The following RBM6 variants were observed in gnomAD, a reference collection of about 807,000 sequenced individuals.
The protein encoded by RBM6 is RNA-binding protein 6.
In RBM6, 23 loss-of-function variants were observed where a neutral mutation model predicts 140.4. The ratio of observed to expected loss-of-function variants is 0.16; its 90% CI spans 0.12 to 0.23. The LOEUF (loss-of-function observed/expected upper bound fraction) is 0.23. Ranked by LOEUF, RBM6 falls within the 10% of genes least tolerant of loss-of-function variation. The pLI is 1.00. For missense variants in RBM6, 1,139 were observed against 1,386.7 expected, an observed-to-expected ratio of 0.82 and a Z score of 2.84; for synonymous variants, 439 against 475.6, an observed-to-expected ratio of 0.92 and a Z score of 1.00.
At chr3:49,986,754 TTCCCCTCCCC>T (rs967547352) in intron 5 of RBM6, among the ~76,000 whole-genome samples, 9 of 147,070 alleles carry the variant, frequency 6.1e-5, no homozygotes, top group African/African-American at 1.5e-4. Context: ...CTTCCCTCCC[TTCCCCTCCCC>T]TCCCCTCCCC....
chr3:49,978,833 G>A (rs1198599088), intron 5 of RBM6, among the ~76,000 whole-genome samples: 1 of 152,090 alleles, frequency 6.6e-6, no homozygotes, highest in Non-Finnish European at 1.5e-5. Context: ...TATATGTTGT[G>A]TATATTTGAA....
chr3:49,960,952 T>C (rs971385115), intron 1 of RBM6, among the ~76,000 whole-genome samples: 1 of 149,780 alleles, frequency 6.7e-6, no homozygotes, highest in Non-Finnish European at 1.5e-5. Context: ...CTCTGTTTCC[T>C]GAACTGGAAT....
At chr3:49,956,308 A>G (rs939943469) in intron 1 of RBM6, among the ~76,000 whole-genome samples, 1 of 142,504 alleles carries the variant, frequency 7.0e-6, no homozygotes, top group Admixed American at 7.1e-5. Flanking sequence ...GGCATTAGCC[A>G]CTTTCTGCCC....
chr3:50,075,186 CT>C lies in RBM6; in HGVS notation c.3117-14del. ...AAAAAAAAAAAGGAAGTGATGGTGT[CT>C]GCTTCTTTTGCAGTGATCGTAAACT... On this transcript the variant is annotated splice_polypyrimidine_tract_variant and intron_variant, in intron 19 of 20. Transcript: ENST00000266022. 3 of 1,601,530 alleles carry C rather than the reference CT, an allele frequency of 1.9e-6. No individual in the cohort carries two copies. The Admixed American group carries it at 5.2e-5, about 28-fold the overall frequency.
intron 16 of RBM6, chr3:50,065,697 C>T: frequency 1.1e-5 from 5 of 453,826 alleles, no homozygotes; most frequent in Non-Finnish European, 2.2e-5. Flanking sequence ...AATGATTATG[C>T]ATCATTATTT....
intron 5 of RBM6, among the ~76,000 whole-genome samples, chr3:49,976,447 A>T (rs938975207): frequency 6.6e-6 from 1 of 152,232 alleles, no homozygotes; most frequent in Admixed American, 6.5e-5. Flanking sequence ...TATTTGTTTT[A>T]AAAACATCAA....
chr3:49,960,911 T>C (rs1475953614), intron 1 of RBM6, among the ~76,000 whole-genome samples: 1 of 134,016 alleles, frequency 7.5e-6, no homozygotes, highest in Non-Finnish European at 1.6e-5. Context: ...CCAGAGTACC[T>C]TTTTTTTTTT....
intron 6 of RBM6, among the ~76,000 whole-genome samples, chr3:50,021,454 A>C (rs1384997358): frequency 1.3e-5 from 2 of 152,286 alleles, no homozygotes; most frequent in African/African-American, 4.8e-5. Flanking sequence ...AGCCTAGCCA[A>C]CATGTTGAAA....
intron 6 of RBM6, among the ~76,000 whole-genome samples, chr3:50,003,313 A>T (rs1347964936): frequency 6.8e-6 from 1 of 148,106 alleles, no homozygotes; most frequent in Non-Finnish European, 1.5e-5. Flanking sequence ...AAATTTAAAA[A>T]AAAAAAAAAA....
chr3:49,949,288 C>T lies in RBM6; in HGVS notation c.-67+9063C>T, dbSNP rs149466829. On this transcript the variant is annotated intron_variant, in intron 1 of 20. Transcript: ENST00000266022. ...GTTGATTCTTCTTTTTACTTACCTC[C>T]CCCTACTTACCCCCTCTTACTTTAT... Among the ~76,000 whole-genome samples, 7 of 150,520 alleles carry T rather than the reference C, an allele frequency of 4.7e-5. No individual in the cohort carries two copies. In the East Asian group the frequency reaches 1.2e-3, roughly 25 times the overall value.
At position 50,006,378 on chromosome 3, in the gene RBM6, C is replaced by T. The variant is rs1246161047; in HGVS notation, c.1557+6865C>T. ...CTTGAACTCCTCACCTCAGGTGATC[C>T]GCCCGCCTCGGCCTCCCAGAGTGCT... On this transcript the variant is annotated intron_variant, in intron 6 of 20. Coordinates refer to ENST00000266022, the MANE Select transcript of RBM6 (RefSeq NM_005777.3). Among the ~76,000 whole-genome samples, 6 of 151,982 alleles carry T rather than the reference C, an allele frequency of 3.9e-5. No homozygotes were observed. In the South Asian group the frequency reaches 6.2e-4, roughly 16 times the overall value.
At chr3:49,961,284 C>T (rs2084270731) in intron 1 of RBM6, among the ~76,000 whole-genome samples, 1 of 151,900 alleles carries the variant, frequency 6.6e-6, no homozygotes, top group Non-Finnish European at 1.5e-5. Flanking sequence ...CACCATGTTG[C>T]CTAGGCTGGT....
intron 1 of RBM6, among the ~76,000 whole-genome samples, chr3:49,960,083 A>C (rs1270263998): frequency 6.6e-6 from 1 of 152,150 alleles, no homozygotes; most frequent in Non-Finnish European, 1.5e-5. Flanking sequence ...TCTCTGCCTG[A>C]GTTTTGTATT....
At chr3:50,071,499 CCTGAGTGAAGGTG>C (rs1260908128) in intron 19 of RBM6, among the ~76,000 whole-genome samples, 2 of 147,682 alleles carry the variant, frequency 1.4e-5, no homozygotes, top group African/African-American at 2.5e-5. Flanking sequence ...ATCATGATTG[CCTGAGTGAAGGTG>C]ATGAGTCTAG....
chr3:50,058,738 C>G (rs539236566), intron 10 of RBM6, 176 bp downstream of exon 10: 174 of 515,436 alleles, frequency 3.4e-4, no homozygotes, highest in African/African-American at 3.2e-3. Context: ...CACGGTGAAA[C>G]CCTGTCTCTA....
intron 1 of RBM6, among the ~76,000 whole-genome samples, chr3:49,959,727 C>T (rs893531004): frequency 8.6e-5 from 13 of 151,474 alleles, no homozygotes; most frequent in Admixed American, 2.0e-4. Context: ...CCCGCCACTA[C>T]GCCTGGCTAA....
chr3:50,031,599 A>G (rs112313157), intron 6 of RBM6, among the ~76,000 whole-genome samples: 24,210 of 150,638 alleles, frequency 0.16, 2,613 homozygotes, highest in Non-Finnish European at 0.24. Context: ...GGGAGGGGGG[A>G]GTGATAGCAT....
intron 6 of RBM6, among the ~76,000 whole-genome samples, chr3:50,037,506 C>T (rs2088614284): frequency 6.6e-6 from 1 of 152,110 alleles, no homozygotes; most frequent in Non-Finnish European, 1.5e-5. Context: ...TTTCAAGGCA[C>T]TATTTCTGCA....
At chr3:50,050,607 T>G (rs990235068) in intron 7 of RBM6, among the ~76,000 whole-genome samples, 1 of 152,194 alleles carries the variant, frequency 6.6e-6, no homozygotes, top group Non-Finnish European at 1.5e-5. Context: ...TTTAACTCTT[T>G]GAGGAACCAT....
Sources: gnomAD v4.1 joint callset for allele counts (sites outside exome capture counted in the v4.1 genomes callset) on GRCh38, gnomAD v4.1.1 for gene constraint, MANE v1.5 for transcripts, NCBI Gene and HGNC (gene_info 2026-07-23, HGNC 2026-07-21) for gene names.